The following MYRIP variants were observed in gnomAD, a reference collection of about 807,000 sequenced individuals.
The protein encoded by MYRIP is myosin VIIA and Rab interacting protein.
A neutral mutation model predicts 98.0 loss-of-function variants in MYRIP; 49 were observed. The ratio of observed to expected loss-of-function variants is 0.50; its 90% confidence interval spans 0.40 to 0.63. The LOEUF is 0.63. Among genes scored for constraint, MYRIP ranks in the 30% least tolerant of loss-of-function variants. MYRIP has a pLI of 0.00. For synonymous variants in MYRIP, 404 were observed against 409.5 expected, an observed-to-expected ratio of 0.99 and a Z score of 0.16; for missense variants, 1,004 against 1,058.2, an observed-to-expected ratio of 0.95 and a Z score of 0.71.
chr3:39,885,555 T>C (rs1214495131), intron 1 of MYRIP, among the ~76,000 whole-genome samples: 2 of 152,122 alleles, frequency 1.3e-5, no homozygotes, highest in African/African-American at 4.8e-5. Context: ...CCTTGCTAGA[T>C]TGGGGAAGTT....
intron 3 of MYRIP, among the ~76,000 whole-genome samples, chr3:40,134,609 G>A (rs1949721351): frequency 6.6e-6 from 1 of 152,220 alleles, no homozygotes; most frequent in South Asian, 2.1e-4. Context: ...TGACCCCCGA[G>A]TAGCCTAACT....
At chr3:40,010,863 C>G (rs1257475203) in intron 2 of MYRIP, among the ~76,000 whole-genome samples, 1 of 152,168 alleles carries the variant, frequency 6.6e-6, no homozygotes, top group African/African-American at 2.4e-5. Context: ...CTCTCTCTGC[C>G]TCCTGATGCC....
intron 1 of MYRIP, among the ~76,000 whole-genome samples, chr3:39,874,195 C>T (rs1559504245): frequency 6.6e-6 from 1 of 152,162 alleles, no homozygotes; most frequent in African/African-American, 2.4e-5. Context: ...ATTTTGTATC[C>T]TGAAGACATT....
At chr3:39,841,862 G>T (rs557659658) in intron 1 of MYRIP, among the ~76,000 whole-genome samples, 6 of 152,324 alleles carry the variant, frequency 3.9e-5, no homozygotes, top group African/African-American at 1.4e-4. Context: ...GCAGATGCCA[G>T]CTGGAGCTCT....
intron 1 of MYRIP, among the ~76,000 whole-genome samples, chr3:39,829,481 T>C (rs1173258545): frequency 6.6e-6 from 1 of 152,206 alleles, no homozygotes; most frequent in Admixed American, 6.5e-5. Flanking sequence ...GTTCTGTTTT[T>C]TCACTTGTAG....
At chr3:39,965,898 T>G (rs1945427867) in intron 2 of MYRIP, among the ~76,000 whole-genome samples, 1 of 152,178 alleles carries the variant, frequency 6.6e-6, no homozygotes, top group South Asian at 2.1e-4. Flanking sequence ...TATACATTTC[T>G]GCATAATTGT....
intron 1 of MYRIP, among the ~76,000 whole-genome samples, chr3:39,817,435 A>G (rs1314257713): frequency 6.6e-6 from 1 of 152,210 alleles, no homozygotes; most frequent in African/African-American, 2.4e-5. Flanking sequence ...TTCCCCAAAT[A>G]TGAAAACATG....
chr3:40,220,458 T>A (rs566713366), intron 11 of MYRIP, among the ~76,000 whole-genome samples: 46 of 152,222 alleles, frequency 3.0e-4, no homozygotes, highest in Non-Finnish European at 6.5e-4. Flanking sequence ...CTAGGGTTTT[T>A]ATGGTTTTAG....
intron 2 of MYRIP, among the ~76,000 whole-genome samples, chr3:40,036,833 C>A (rs575621459): frequency 6.6e-6 from 1 of 152,190 alleles, no homozygotes; most frequent in South Asian, 2.1e-4. Flanking sequence ...TTTGCAATTA[C>A]AAACCAACAT....
intron 2 of MYRIP, among the ~76,000 whole-genome samples, chr3:40,003,045 T>TAA (rs1300218254): frequency 6.6e-6 from 1 of 151,046 alleles, no homozygotes; most frequent in Non-Finnish European, 1.5e-5. Flanking sequence ...TCTATAGATA[T>TAA]AGAGACAGAT....
intron 2 of MYRIP, among the ~76,000 whole-genome samples, chr3:39,964,304 A>T (rs933718493): frequency 1.1e-4 from 17 of 152,156 alleles, no homozygotes; most frequent in Admixed American, 1.1e-3. Flanking sequence ...TATACATGAT[A>T]ATATAGCAGG....
chr3:40,098,740 T>TTTTGTGTGTG (rs1553613659), intron 3 of MYRIP, among the ~76,000 whole-genome samples: 5 of 135,188 alleles, frequency 3.7e-5, no homozygotes, highest in Non-Finnish European at 7.8e-5. Context: ...GTCTCTCTCA[T>TTTTGTGTGTG]TGTGTGTGTG....
chr3:40,025,121 G>A lies in MYRIP; in HGVS notation c.111-18929G>A, dbSNP rs576706836. Among the ~76,000 whole-genome samples the A allele has an allele frequency of 1.8e-4, 28 of 152,250 alleles. 1 individual carries two copies. In the South Asian group the frequency reaches 4.4e-3, roughly 24 times the overall value. ...AACATCCATGTTGACTGAGCTACTC[G>A]CTGAACCTGAGGCTAGTGAGGTTCC... On this transcript the variant is annotated intron_variant, in intron 2 of 16. Transcript: ENST00000302541.
chr3:39,873,145 A>G (rs1340599403), intron 1 of MYRIP, among the ~76,000 whole-genome samples: 1 of 152,160 alleles, frequency 6.6e-6, no homozygotes, highest in African/African-American at 2.4e-5. Context: ...TCTTTTGAGA[A>G]GTGTCTGTTC....
chr3:39,812,406 C>T (rs1940726150), intron 1 of MYRIP, among the ~76,000 whole-genome samples: 1 of 152,082 alleles, frequency 6.6e-6, no homozygotes, highest in African/African-American at 2.4e-5. Flanking sequence ...ATAATTTAGC[C>T]TTACAATCTG....
chr3:40,217,926 G>GATTATAT (rs1193237195), intron 11 of MYRIP, among the ~76,000 whole-genome samples: 3 of 152,098 alleles, frequency 2.0e-5, no homozygotes, highest in African/African-American at 4.8e-5. Flanking sequence ...AGATTCCTGA[G>GATTATAT]TTAAGATAAT....
chr3:39,984,252 T>C (rs1945972628), intron 2 of MYRIP, among the ~76,000 whole-genome samples: 1 of 148,344 alleles, frequency 6.7e-6, no homozygotes, highest in South Asian at 2.1e-4. Flanking sequence ...ATACTTTAAG[T>C]TTTAGGGTAC....
rs1575439921 is a variant in MYRIP, at chr3:39,987,151, T to G, written c.111-56899T>G. Among the ~76,000 whole-genome samples the G allele has an allele frequency of 2.0e-5, 3 of 152,206 alleles. No homozygotes were observed. In the Middle Eastern group the frequency reaches 0.01, roughly 518 times the overall value. On this transcript the variant is annotated intron_variant, in intron 2 of 16. Coordinates refer to ENST00000302541, the MANE Select transcript of MYRIP (RefSeq NM_015460.4). ...TCGTTATTTGTCCTAATGCTCTCCC[T>G]CCCTTTGCCCTCTACCCCACGACTG... is the stretch of plus-strand genomic sequence containing the variant.
chr3:40,225,263 T>G (rs1231887420), intron 11 of MYRIP, among the ~76,000 whole-genome samples: 1 of 152,178 alleles, frequency 6.6e-6, no homozygotes, highest in Non-Finnish European at 1.5e-5. Flanking sequence ...GCAGCTCAGT[T>G]CTAGGTGGGC....
Sources: allele counts gnomAD v4.1 joint callset (sites outside exome capture counted in the v4.1 genomes callset), GRCh38; gene constraint gnomAD v4.1.1; transcripts MANE v1.5; gene names NCBI Gene and HGNC (gene_info 2026-07-23, HGNC 2026-07-21).